Variants in DNAAF1 observed in about 807,000 individuals in gnomAD.
DNAAF1 encodes dynein assembly factor 1, axonemal.
Under a neutral mutation model 71.1 loss-of-function variants are expected in DNAAF1, and 65 were observed. The ratio of observed to expected loss-of-function variants is 0.91; its 90% CI spans 0.75 to 1.12. The LOEUF (loss-of-function observed/expected upper bound fraction) is 1.12, where lower values mean the gene tolerates loss of function less well. Among genes scored for constraint, DNAAF1 ranks in the 50% most tolerant of loss-of-function variants. DNAAF1 has a pLI of 0.00. For synonymous variants in DNAAF1, 414 were observed against 354.6 expected (o/e 1.17, Z -1.88); for missense variants, 1,178 against 899.8 (o/e 1.31, Z -3.96).
At chr16:84,159,105 G>A (rs2087578762) in intron 5 of DNAAF1, 1 of 992,754 alleles carries the variant, frequency 1.0e-6, no homozygotes, top group African/African-American at 1.7e-5. Flanking sequence ...GGGGGAGGAT[G>A]GCAGGTCGGA....
intron 11 of DNAAF1, 79 bp from the exon 12 acceptor site, chr16:84,177,650 G>T: frequency 7.9e-7 from 1 of 1,273,538 alleles, no homozygotes; most frequent in Non-Finnish European, 1.1e-6. Flanking sequence ...ATTTGGCCTG[G>T]ACTGAACCCC....
At position 84,165,793 on chromosome 16, in the gene DNAAF1, G is replaced by A. The variant is rs1211897086; in HGVS notation, c.874G>A (p.Glu292Lys). The A allele has an allele frequency of 1.2e-6, 2 of 1,613,670 alleles. No individual in the cohort carries two copies. The highest frequency in any genetic ancestry group is 1.7e-6 in the Non-Finnish European group (2 of 1,179,940). ...TTGTTTTTTAAACAGAGCTTGTGCGGAGGCCTGGGCTAGGGGAGGGTACGC... is the reference window on the plus strand; with the variant it reads ...TTGTTTTTTAAACAGAGCTTGTGCGAAGGCCTGGGCTAGGGGAGGGTACGC... ...PVFPKDRACA[E>K]AWARGGYAAE... Residue 292 changes from glutamate (E) to lysine (K), a missense_variant, in exon 7 of 12, where the codon GAG becomes AAG. Coordinates refer to ENST00000378553, the MANE Select transcript of DNAAF1 (RefSeq NM_178452.6).
rs771959468 is a variant in DNAAF1 at position 84,159,106 on chromosome 16, G to A, written c.742-569G>A. The A allele has an allele frequency of 3.8e-3, 3,748 of 992,552 alleles. 10 individuals carry two copies. Among genetic ancestry groups the A allele is most frequent in the Non-Finnish European group, 4.3e-3 (3,574 of 834,258 alleles). The allele number at this position is 992,552 out of a possible 1,614,324, so 61.5% of individuals were successfully genotyped here. A position where few individuals can be genotyped will look rare whatever the true frequency, so the allele number is the denominator to read the frequency against. ...CAGTATTTAAAGATGGGGGAGGATG[G>A]CAGGTCGGATTGCCGAGCCCCTTCC... On this transcript the variant is annotated intron_variant, in intron 5 of 11. Coordinates refer to ENST00000378553, the MANE Select transcript of DNAAF1 (RefSeq NM_178452.6).
At chr16:84,161,027 G>T (rs1266489333) in intron 6 of DNAAF1, among the ~76,000 whole-genome samples, 1 of 152,128 alleles carries the variant, frequency 6.6e-6, no homozygotes, top group Non-Finnish European at 1.5e-5. Context: ...GTCTGGGGGT[G>T]GTAAGGACGG....
intron 7 of DNAAF1, among the ~76,000 whole-genome samples, chr16:84,169,077 C>CTT (rs567267370): frequency 3.5e-4 from 25 of 71,210 alleles, no homozygotes; most frequent in South Asian, 5.4e-4. Context: ...CTCAAGGATA[C>CTT]TTTTTTTTTT....
chr16:84,165,712 G>A, intron 6 of DNAAF1, 71 bp from the exon 7 acceptor site: 3 of 1,450,244 alleles, frequency 2.1e-6, no homozygotes, highest in Non-Finnish European at 2.9e-6. Context: ...TGAAGAAAAT[G>A]AGCAAGTTGA....
intron 5 of DNAAF1, chr16:84,159,026 C>A (rs1567546951): frequency 1.0e-6 from 1 of 987,088 alleles, no homozygotes; most frequent in East Asian, 1.1e-4. Flanking sequence ...CCACCATGCC[C>A]AGCCCCACTA....
chr16:84,158,986 C>G, intron 5 of DNAAF1: 2 of 973,678 alleles, frequency 2.1e-6, no homozygotes, highest in Non-Finnish European at 2.4e-6. Flanking sequence ...CCACCTCAGC[C>G]TCCCAAAGTG....
rs1267192221 is a variant in DNAAF1, at chr16:84,170,113, G to A, written c.1285G>A (p.Val429Ile). The A allele has an allele frequency of 3.2e-6, 5 of 1,583,726 alleles. No individual in the cohort carries two copies. The highest frequency in any genetic ancestry group is 2.4e-5 in the East Asian group (1 of 41,996). The change falls in exon 8 of 12, where the codon GTT (valine) becomes ATT (isoleucine). Residue 429 changes from valine to isoleucine, a missense_variant. Physicochemically the swap from Val to Ile is conservative, Grantham distance 29. Coordinates refer to ENST00000378553, the MANE Select transcript of DNAAF1 (RefSeq NM_178452.6). ...ETLLLSSPVE[V>I]KGEDGDGEPE... ...CCTGCTACTGTCGTCACCTGTGGAG[G>A]TTAAAGGAGAGGACGGAGATGGAGA...
In DNAAF1 at chr16:84,169,959, A is replaced by G. The variant is rs138200496; in HGVS notation, c.1131A>G (p.Leu377=). 1.2e-5 allele frequency: 19 copies of G among 1,613,986 alleles called. No individual in the cohort carries two copies. Among genetic ancestry groups the G allele is most frequent in the Non-Finnish European group, 1.4e-5 (17 of 1,180,048 alleles). ...GAGAAACAAGGCAGAAGATGGAGCTATTTGTTAAGGAAAGCTTTGAGGCCA... is the reference window on the plus strand; with the variant it reads ...GAGAAACAAGGCAGAAGATGGAGCTGTTTGTTAAGGAAAGCTTTGAGGCCA... The part of the protein sequence containing the change: ...GDRETRQKME[L]FVKESFEAKD... The change falls in exon 8 of 12, where the codon CTA becomes CTG. Residue 377 remains leucine, a synonymous_variant. Coordinates refer to ENST00000378553, the MANE Select transcript of DNAAF1 (RefSeq NM_178452.6).
chr16:84,149,197 A>C, intron 2 of DNAAF1, 55 bp downstream of exon 2: 1 of 1,603,432 alleles, frequency 6.2e-7, no homozygotes, highest in Non-Finnish European at 8.5e-7. Context: ...TAGATGGCGT[A>C]ATCACCCCCT....
chr16:84,169,663 C>T (rs899222449), intron 7 of DNAAF1, among the ~76,000 whole-genome samples, 196 bp from the exon 8 acceptor site: 14 of 152,090 alleles, frequency 9.2e-5, no homozygotes, highest in African/African-American at 3.1e-4. Flanking sequence ...TCAAGTGATC[C>T]ACCCTCCTCG....
rs2086855300 is a variant in DNAAF1 at position 84,145,498 on chromosome 16, C to T, written c.58C>T (p.Gln20Ter). 2 of 1,567,308 alleles carry T rather than the reference C, an allele frequency of 1.3e-6. No homozygotes were observed. Among genetic ancestry groups the T allele is most frequent in the African/African-American group, 2.7e-5 (2 of 74,294 alleles). Residue 20 changes from glutamine to a stop codon, truncating the protein, a stop_gained, in exon 1 of 12, where the codon CAG becomes TAG. Coordinates refer to ENST00000378553, the MANE Select transcript of DNAAF1 (RefSeq NM_178452.6). LOFTEE classifies it high-confidence loss of function. ...TGGTGCAGCAGAGCTGGATTGCGCG[C>T]AGGAGCCCGGCGTGGAGGAGTCTGC... is the stretch of plus-strand genomic sequence containing the variant. ...TGGAAELDCA[Q>*]EPGVEESAGD... is the part of the protein sequence containing the mutation.
chr16:84,150,332 A>T lies in DNAAF1; in HGVS notation c.342A>T (p.Leu114Phe), dbSNP rs758341595. The T allele has an allele frequency of 1.2e-6, 2 of 1,611,882 alleles. No individual in the cohort carries two copies. Among genetic ancestry groups the T allele is most frequent in the Admixed American group, 1.7e-5 (1 of 60,030 alleles). Reference protein sequence around the residue: ...ITPALNDTLYLHFKGFDRIEN... With the variant: ...ITPALNDTLYFHFKGFDRIEN... ...CAGCATTGAATGATACGCTGTATTT[A>T]CACTTTAAAGGTAAGGACCTAAGAG... is the stretch of plus-strand genomic sequence containing the variant. The change falls in exon 3 of 12, where the codon TTA becomes TTT. Residue 114 changes from leucine to phenylalanine, a missense_variant. Leu to Phe is a conservative substitution (Grantham distance 22). Coordinates refer to ENST00000378553, the MANE Select transcript of DNAAF1 (RefSeq NM_178452.6).
At position 84,170,155 on chromosome 16, in the gene DNAAF1, C is replaced by T. The variant is rs921838061; in HGVS notation, c.1327C>T (p.Pro443Ser). ...AGATGGAGAGCCAGAGGGGACCCTC[C>T]CAGCTGAGGCCCCACCACCCCCGCC... ...DGDGEPEGTL[P>S]AEAPPPPPPV... The change falls in exon 8 of 12, where the codon CCA (proline) becomes TCA (serine). Residue 443 changes from proline (P) to serine (S), a missense_variant. Coordinates refer to ENST00000378553, the MANE Select transcript of DNAAF1 (RefSeq NM_178452.6). 3 of 1,585,804 alleles carry T rather than the reference C, an allele frequency of 1.9e-6. No individual in the cohort carries two copies. The highest frequency in any genetic ancestry group is 2.6e-6 in the Non-Finnish European group (3 of 1,162,486).
At chr16:84,162,729 G>T (rs2087771666) in intron 6 of DNAAF1, among the ~76,000 whole-genome samples, 1 of 152,088 alleles carries the variant, frequency 6.6e-6, no homozygotes, top group African/African-American at 2.4e-5. Flanking sequence ...TGAGGCAAGA[G>T]AATCGCTTGA....
chr16:84,174,565 G>T lies in DNAAF1; in HGVS notation c.1645-104G>T, dbSNP rs560012159. The T allele has an allele frequency of 2.2e-5, 36 of 1,603,698 alleles. No homozygotes were observed. The East Asian group carries it at 7.4e-4, about 33-fold the overall frequency. On this transcript the variant is annotated intron_variant, in intron 9 of 11. Coordinates refer to ENST00000378553, the MANE Select transcript of DNAAF1 (RefSeq NM_178452.6). Reference sequence around the variant, plus strand: ...AGTCACCTGAGTGATTTGAGTAACTGTAACTAAGGCTGGGTTGACTGCGTG... The same window carrying T: ...AGTCACCTGAGTGATTTGAGTAACTTTAACTAAGGCTGGGTTGACTGCGTG...
At position 84,174,571 on chromosome 16, in the gene DNAAF1, A is replaced by G. The variant is rs1240555039; in HGVS notation, c.1645-98A>G. On this transcript the variant is annotated intron_variant, in intron 9 of 11. Transcript: ENST00000378553. ...CTGAGTGATTTGAGTAACTGTAACT[A>G]AGGCTGGGTTGACTGCGTGTTTGCC... The G allele has an allele frequency of 3.7e-6, 6 of 1,607,910 alleles. No individual in the cohort carries two copies. In the African/African-American group the frequency reaches 6.7e-5, roughly 18 times the overall value.
intron 7 of DNAAF1, among the ~76,000 whole-genome samples, chr16:84,168,822 C>CCACACACACACA (rs1352763766): frequency 4.3e-4 from 18 of 42,346 alleles, no homozygotes; most frequent in Non-Finnish European, 6.6e-4. Context: ...TACACATTTG[C>CCACACACACACA]CACATACACA....
Sources: gnomAD v4.1 joint callset for allele counts (sites outside exome capture counted in the v4.1 genomes callset) on GRCh38, gnomAD v4.1.1 for gene constraint, MANE v1.5 for transcripts, NCBI Gene and HGNC (gene_info 2026-07-23, HGNC 2026-07-21) for gene names.